PCDHGA6: variants seen among roughly 807,000 people sequenced by gnomAD.
PCDHGA6 encodes protocadherin gamma-A6.
A neutral mutation model predicts 60.6 loss-of-function variants in PCDHGA6; 41 were observed. That is an observed-to-expected ratio of 0.68 (90% CI 0.53 to 0.88). The LOEUF is 0.88. Ranked by LOEUF, PCDHGA6 falls within the 40% of genes least tolerant of loss-of-function variation. The probability of loss-of-function intolerance (pLI) is 0.00; values close to 1 mark genes in which losing one functional copy is unlikely to be tolerated. For synonymous variants in PCDHGA6, 594 were observed against 524.4 expected (o/e 1.13, Z -1.81); for missense variants, 1,312 against 1,203.0 (o/e 1.09, Z -1.34).
intron 1 of PCDHGA6, among the ~76,000 whole-genome samples, chr5:141,437,331 A>G (rs2097876062): frequency 6.6e-6 from 1 of 152,244 alleles, no homozygotes; most frequent in Non-Finnish European, 1.5e-5. Context: ...TAAAATTTGT[A>G]GCTTCACTGT....
chr5:141,404,551 G>C (rs764332245), intron 1 of PCDHGA6: 1 of 1,613,866 alleles, frequency 6.2e-7, no homozygotes, highest in Non-Finnish European at 8.5e-7. Flanking sequence ...TGCAGGTGAC[G>C]GCAAGTGACA....
chr5:141,467,376 A>G (rs1391386659), intron 1 of PCDHGA6, among the ~76,000 whole-genome samples: 2 of 151,990 alleles, frequency 1.3e-5, no homozygotes. Flanking sequence ...CTTATATTGC[A>G]TTTAGGTTTT....
chr5:141,423,636 C>A, intron 1 of PCDHGA6: 1 of 1,598,388 alleles, frequency 6.3e-7, no homozygotes, highest in Non-Finnish European at 8.5e-7. Context: ...TCATTTTAGG[C>A]AAATGTGACC....
rs776374898 is a variant in PCDHGA6, at chr5:141,414,958, G to A, written c.2424+38451G>A. ...AGAGCCCGGCTACCTGGTGACCAAG[G>A]TGGTGGCGGTGGACAGAGACTCCGG... On this transcript the variant is annotated intron_variant, in intron 1 of 3. Coordinates refer to ENST00000517434, the MANE Select transcript of PCDHGA6 (RefSeq NM_018919.3). The A allele has an allele frequency of 3.7e-6, 6 of 1,614,024 alleles. No homozygotes were observed. The South Asian group carries it at 4.4e-5, about 12-fold the overall frequency.
intron 1 of PCDHGA6, chr5:141,492,046 AC>A (rs955983612): frequency 2.0e-6 from 1 of 494,316 alleles, no homozygotes; most frequent in African/African-American, 2.0e-5. Context: ...TCACAGATCC[AC>A]CCCTGCAGCC....
At chr5:141,417,798 C>T in intron 1 of PCDHGA6, 2 of 1,486,472 alleles carry the variant, frequency 1.3e-6, no homozygotes, top group Non-Finnish European at 1.8e-6. Context: ...GCTCTTTTAG[C>T]GCGGTAGAGT....
At chr5:141,495,007 G>A in intron 2 of PCDHGA6, 142 bp downstream of exon 2, 4 of 1,522,158 alleles carry the variant, frequency 2.6e-6, no homozygotes, top group Non-Finnish European at 3.5e-6. Context: ...TTGGTGTGCG[G>A]GGGGCTGGCA....
At chr5:141,408,438 C>G (rs749271632) in intron 1 of PCDHGA6, 8 of 1,613,896 alleles carry the variant, frequency 5.0e-6, no homozygotes, top group Non-Finnish European at 5.9e-6. Flanking sequence ...AGCGTAGACG[C>G]GGAGAGCGGG....
intron 2 of PCDHGA6, among the ~76,000 whole-genome samples, chr5:141,503,010 A>T (rs1595838084): frequency 6.8e-6 from 1 of 146,772 alleles, no homozygotes; most frequent in East Asian, 2.0e-4. Context: ...TGCCCGGTTA[A>T]TTTTTTTTTT....
chr5:141,433,634 G>T (rs2097636752), intron 1 of PCDHGA6, among the ~76,000 whole-genome samples: 1 of 152,078 alleles, frequency 6.6e-6, no homozygotes, highest in Admixed American at 6.5e-5. Flanking sequence ...TTGGGAGTTT[G>T]AGACCAGCCT....
chr5:141,469,354 A>G (rs1160934469), intron 1 of PCDHGA6, among the ~76,000 whole-genome samples: 1 of 152,128 alleles, frequency 6.6e-6, no homozygotes, highest in Non-Finnish European at 1.5e-5. Flanking sequence ...AGGTGGATGG[A>G]TCATGAGGTA....
chr5:141,422,629 A>C lies in PCDHGA6; in HGVS notation c.2424+46122A>C, dbSNP rs780472571. 1.9e-6 allele frequency: 3 copies of C among 1,613,270 alleles called. No homozygotes were observed. The Admixed American group carries it at 5.0e-5, about 27-fold the overall frequency. Reference sequence around the variant, plus strand: ...TGCCTACATTCCCGAAAACAACCCCAGGGGTGCCTCCATCTTCTCAGTGAC... The same window carrying C: ...TGCCTACATTCCCGAAAACAACCCCCGGGGTGCCTCCATCTTCTCAGTGAC... On this transcript the variant is annotated intron_variant, in intron 1 of 3. Transcript: ENST00000517434.
At chr5:141,391,607 A>G (rs1436377162) in intron 1 of PCDHGA6, 1 of 152,212 alleles carries the variant, frequency 6.6e-6, no homozygotes, top group Non-Finnish European at 1.5e-5. Flanking sequence ...TTCAGATTTC[A>G]TGAGTGGTTT....
chr5:141,394,625 G>A, intron 1 of PCDHGA6: 1 of 1,613,496 alleles, frequency 6.2e-7, no homozygotes, highest in African/African-American at 1.3e-5. Flanking sequence ...ACGCCTGGCT[G>A]TCCTACCGCC....
Position 141,476,698 on chromosome 5 carries a change from G to C in PCDHGA6, c.2425-18109G>C, listed in dbSNP as rs2075661. Reference sequence around the variant, plus strand: ...CGCGGGAGGACAGCACCAAGTACGCGGAGCTGGTGTTGGAGCGCGCCCTGG... The same window carrying C: ...CGCGGGAGGACAGCACCAAGTACGCCGAGCTGGTGTTGGAGCGCGCCCTGG... On this transcript the variant is annotated intron_variant, in intron 1 of 3. Transcript: ENST00000517434. The surrounding 1 kb of genome is among the most constrained non-coding windows in gnomAD (Gnocchi z 7.6). The C allele has an allele frequency of 0.2, 326,683 of 1,614,030 alleles. 35,085 individuals carry two copies. Among genetic ancestry groups the C allele is most frequent in the Admixed American group, 0.37 (22,021 of 59,992 alleles).
intron 1 of PCDHGA6, chr5:141,402,915 CAG>C: frequency 6.4e-7 from 1 of 1,564,688 alleles, no homozygotes; most frequent in Non-Finnish European, 8.7e-7. Flanking sequence ...GCAGCGCGCA[CAG>C]AGATCCTTTT....
chr5:141,383,853 G>A (rs942698942), intron 1 of PCDHGA6: 7 of 1,613,828 alleles, frequency 4.3e-6, no homozygotes, highest in African/African-American at 2.7e-5. Flanking sequence ...ATGAAATGGA[G>A]GTTCAGGCTC....
Position 141,485,875 on chromosome 5 carries a change from C to T in PCDHGA6, c.2425-8932C>T, listed in dbSNP as rs1254918181. The T allele has an allele frequency of 1.9e-6, 3 of 1,614,150 alleles. No homozygotes were observed. The highest frequency in any genetic ancestry group is 2.2e-5 in the East Asian group (1 of 44,862). On this transcript the variant is annotated intron_variant, in intron 1 of 3. Transcript: ENST00000517434. This position sits in a 1 kb window ranked among gnomAD's most constrained non-coding sequence, Gnocchi z 5.7. ...CAGAGCTCCGGGTATCCGTGCTGGACGTAAACGACAACGCCCCAGCCTTCC... is the reference window on the plus strand; with the variant it reads ...CAGAGCTCCGGGTATCCGTGCTGGATGTAAACGACAACGCCCCAGCCTTCC...
chr5:141,449,075 T>C (rs1452456191), intron 1 of PCDHGA6, among the ~76,000 whole-genome samples: 3 of 152,240 alleles, frequency 2.0e-5, no homozygotes, highest in African/African-American at 7.2e-5. Context: ...AATAGCCCTG[T>C]ACCTACATCA....
Sources: gnomAD v4.1 joint callset for allele counts (sites outside exome capture counted in the v4.1 genomes callset) on GRCh38, gnomAD v4.1.1 for gene constraint, Gnocchi (gnomAD v3.1) non-coding constraint, MANE v1.5 for transcripts, NCBI Gene and HGNC (gene_info 2026-07-23, HGNC 2026-07-21) for gene names.